Variants in KLHDC4 observed in about 807,000 individuals in gnomAD.
The protein encoded by KLHDC4 is kelch domain-containing protein 4.
In KLHDC4, 90 loss-of-function variants were observed where a neutral mutation model predicts 62.4. That is an observed-to-expected ratio of 1.44 (90% confidence interval 1.22 to 1.72). The LOEUF is 1.72. KLHDC4 is among the 40% of genes most tolerant of loss of function. The probability of loss-of-function intolerance (pLI) is 0.00; values close to 1 mark genes in which losing one functional copy is unlikely to be tolerated. For missense variants in KLHDC4, 1,025 were observed against 699.7 expected (o/e 1.47, Z -5.25); for synonymous variants, 386 against 284.4 (o/e 1.36, Z -3.59).
At chr16:87,748,283 A>T (rs1295755788) in intron 5 of KLHDC4, among the ~76,000 whole-genome samples, 3 of 152,218 alleles carry the variant, frequency 2.0e-5, no homozygotes. Context: ...CACCAACTCG[A>T]CACAGAAAGA....
At chr16:87,738,343 G>A (rs1567757630) in intron 5 of KLHDC4, among the ~76,000 whole-genome samples, 1 of 148,840 alleles carries the variant, frequency 6.7e-6, no homozygotes, top group Non-Finnish European at 1.5e-5. Flanking sequence ...GTATGCCTGC[G>A]CACACACGGA....
chr16:87,737,885 C>T (rs1457712046), intron 5 of KLHDC4, among the ~76,000 whole-genome samples: 1 of 152,116 alleles, frequency 6.6e-6, no homozygotes, highest in African/African-American at 2.4e-5. Context: ...ACCACTGCGC[C>T]CAGCCCAGTC....
intron 5 of KLHDC4, among the ~76,000 whole-genome samples, chr16:87,736,567 C>T (rs1033414335): frequency 3.3e-5 from 5 of 152,180 alleles, no homozygotes; most frequent in African/African-American, 4.8e-5. Flanking sequence ...TTGGAAACTT[C>T]GCCCTGCTTT....
At chr16:87,713,041 T>C (rs938537388) in intron 8 of KLHDC4, among the ~76,000 whole-genome samples, 5 of 152,234 alleles carry the variant, frequency 3.3e-5, no homozygotes, top group African/African-American at 1.2e-4. Flanking sequence ...TATTTATTTT[T>C]TATTTTTTGA....
At chr16:87,739,357 C>CTCATCCATCCACACACCAGCACG (rs2041885452) in intron 5 of KLHDC4, among the ~76,000 whole-genome samples, 7 of 123,410 alleles carry the variant, frequency 5.7e-5, no homozygotes, top group South Asian at 3.4e-4. Context: ...ACACCAGCAT[C>CTCATCCATCCACACACCAGCACG]TCATCCATCC....
At chr16:87,716,649 G>A (rs2037050224) in intron 7 of KLHDC4, among the ~76,000 whole-genome samples, 2 of 152,160 alleles carry the variant, frequency 1.3e-5, no homozygotes, top group Admixed American at 1.3e-4. Flanking sequence ...AGAAACCAGG[G>A]GCCGGGCACG....
At chr16:87,719,002 C>T (rs921197068) in intron 7 of KLHDC4, among the ~76,000 whole-genome samples, 1 of 150,792 alleles carries the variant, frequency 6.6e-6, no homozygotes, top group South Asian at 2.1e-4. Context: ...CCGCCCCCTC[C>T]GGGAAGTGAG....
rs182134615 is a variant in KLHDC4 at position 87,716,334 on chromosome 16, T to A, written c.760-1761A>T. On this transcript the variant is annotated intron_variant, in intron 7 of 11. Transcript: ENST00000270583. ...GGTACACGCTATGGTCTTGTGGATATTGACGTAGACTCTGGGTACGCGCTA... is the reference window on the plus strand; with the variant it reads ...GGTACACGCTATGGTCTTGTGGATAATGACGTAGACTCTGGGTACGCGCTA... Among the ~76,000 whole-genome samples, 5 of 152,138 alleles carry A rather than the reference T, an allele frequency of 3.3e-5. 1 individual carries two copies. The highest frequency in any genetic ancestry group is 4.4e-5 in the Non-Finnish European group (3 of 68,032).
Position 87,702,591 on chromosome 16 carries a change from C to T in KLHDC4, c.-77G>A, listed in dbSNP as rs550565049. 103 of 266,104 alleles carry T rather than the reference C, an allele frequency of 3.9e-4. 1 individual carries two copies. In the South Asian group the frequency reaches 4.1e-3, roughly 11 times the overall value. The allele number at this position is 266,104 out of a possible 1,614,324, so 16.5% of individuals were successfully genotyped here. A position where few individuals can be genotyped will look rare whatever the true frequency, so the allele number is the denominator to read the frequency against. On this transcript the variant is annotated 5_prime_UTR_variant, in exon 1 of 1. Coordinates refer to the KLHDC4 transcript ENST00000446344. ...TCTCTAGCAGGACTCTGCTCATCTG[C>T]ACCATTTGCCATTTCCACAGAAACC... is the stretch of plus-strand genomic sequence containing the variant.
intron 7 of KLHDC4, among the ~76,000 whole-genome samples, chr16:87,715,015 G>A (rs1361233200): frequency 6.6e-6 from 1 of 152,220 alleles, no homozygotes; most frequent in African/African-American, 2.4e-5. Flanking sequence ...ACTGCCCACT[G>A]AAAGACTTCT....
intron 8 of KLHDC4, 27 bp downstream of exon 8, chr16:87,714,471 C>A: frequency 6.2e-7 from 1 of 1,613,482 alleles, no homozygotes; most frequent in Non-Finnish European, 8.5e-7. Flanking sequence ...CCAGCCAGCT[C>A]CCGCCCTGGA....
downstream of KLHDC4, among the ~76,000 whole-genome samples, chr16:87,703,958 C>G (rs922326486): frequency 3.3e-5 from 5 of 152,266 alleles, no homozygotes; most frequent in Admixed American, 6.5e-5. Context: ...CCGGCCTCCA[C>G]ACAACACTCT....
chr16:87,725,910 G>C (rs963147795), intron 7 of KLHDC4, among the ~76,000 whole-genome samples: 34 of 152,264 alleles, frequency 2.2e-4, no homozygotes, highest in African/African-American at 7.7e-4. Context: ...ATTCCACAGA[G>C]ACTACTACAC....
At chr16:87,761,433 C>A (rs2045883906) in intron 2 of KLHDC4, among the ~76,000 whole-genome samples, 1 of 152,228 alleles carries the variant, frequency 6.6e-6, no homozygotes, top group Non-Finnish European at 1.5e-5. Context: ...GGGAAATAAA[C>A]CATTTCTCAT....
downstream of KLHDC4, among the ~76,000 whole-genome samples, chr16:87,707,139 A>G (rs2034832035): frequency 6.6e-6 from 1 of 152,238 alleles, no homozygotes; most frequent in Non-Finnish European, 1.5e-5. Context: ...TTTGACCCCA[A>G]TTATGCAAAT....
chr16:87,746,887 G>C (rs1246418757), intron 5 of KLHDC4, among the ~76,000 whole-genome samples: 1 of 152,218 alleles, frequency 6.6e-6, no homozygotes, highest in African/African-American at 2.4e-5. Flanking sequence ...TTCGAGGAAT[G>C]AGGTGTCTGT....
At chr16:87,711,568 G>A (rs2035843355) in intron 8 of KLHDC4, 125 bp from the exon 9 acceptor site, 7 of 743,766 alleles carry the variant, frequency 9.4e-6, no homozygotes, top group South Asian at 3.8e-5. Flanking sequence ...GAGACTGTGG[G>A]CAAAAACTCT....
chr16:87,764,675 A>G (rs370118183), intron 1 of KLHDC4, among the ~76,000 whole-genome samples: 11,455 of 123,166 alleles, frequency 0.093, 636 homozygotes, highest in African/African-American at 0.1. Flanking sequence ...AAAAAAAAAA[A>G]GCAGAAAGCA....
chr16:87,717,029 C>G (rs2037145430), intron 7 of KLHDC4, among the ~76,000 whole-genome samples: 1 of 152,132 alleles, frequency 6.6e-6, no homozygotes, highest in Admixed American at 6.5e-5. Context: ...TTCAGGAGTT[C>G]AAGACCAGCC....
Sources: gnomAD v4.1 joint callset for allele counts (sites outside exome capture counted in the v4.1 genomes callset) on GRCh38, gnomAD v4.1.1 for gene constraint, MANE v1.5 for transcripts, NCBI Gene and HGNC (gene_info 2026-07-23, HGNC 2026-07-21) for gene names.